HYAL4: variants seen among roughly 807,000 people sequenced by gnomAD.
HYAL4 encodes the protein hyaluronidase 4.
In HYAL4, 37 loss-of-function variants were observed where a neutral mutation model predicts 35.2. That is an observed-to-expected ratio of 1.05 (90% CI 0.81 to 1.38). The LOEUF (loss-of-function observed/expected upper bound fraction) is 1.38. Ranked by LOEUF, HYAL4 falls within the 40% of genes most tolerant of loss-of-function variation. The pLI is 0.00. For synonymous variants in HYAL4, 198 were observed against 203.2 expected (o/e 0.97, Z 0.22); for missense variants, 572 against 572.4 (o/e 1.00, Z 0.01).
At chr7:123,830,342 G>A (rs1007733506) in intron 1 of HYAL4, among the ~76,000 whole-genome samples, 1 of 152,080 alleles carries the variant, frequency 6.6e-6, no homozygotes, top group East Asian at 1.9e-4. Context: ...ATTAGTAACA[G>A]GTACACCTGT....
intron 3 of HYAL4, among the ~76,000 whole-genome samples, chr7:123,869,698 T>C (rs1009096929): frequency 2.0e-5 from 3 of 151,792 alleles, no homozygotes; most frequent in African/African-American, 7.3e-5. Context: ...TTTTTTTTTT[T>C]CTTCAAGATG....
chr7:123,774,710 G>A, the HYAL4 span, among the ~76,000 whole-genome samples: 2 of 151,992 alleles, frequency 1.3e-5, no homozygotes, highest in Non-Finnish European at 2.9e-5. Context: ...TTTCTGATCC[G>A]GCTCACATAG....
At chr7:123,768,952 TCA>T in the HYAL4 span, among the ~76,000 whole-genome samples, 2 of 152,246 alleles carry the variant, frequency 1.3e-5, no homozygotes, top group Admixed American at 6.5e-5. Flanking sequence ...GTTTCTGTTT[TCA>T]GAGACCCATG....
chr7:123,860,594 G>A (rs73718502), intron 2 of HYAL4, among the ~76,000 whole-genome samples: 3,897 of 152,212 alleles, frequency 0.026, 186 homozygotes, highest in African/African-American at 0.089. Flanking sequence ...TAGGTGCATA[G>A]CATTCCACTG....
intron 2 of HYAL4, among the ~76,000 whole-genome samples, chr7:123,860,405 G>A (rs1042692302): frequency 1.3e-5 from 2 of 152,056 alleles, no homozygotes; most frequent in African/African-American, 4.8e-5. Flanking sequence ...ATGTGTGTGT[G>A]TATATATATG....
chr7:123,823,374 T>C, the HYAL4 span, among the ~76,000 whole-genome samples: 1 of 152,180 alleles, frequency 6.6e-6, no homozygotes, highest in Non-Finnish European at 1.5e-5. Flanking sequence ...TGAGGATTTT[T>C]GCATCCAGTT....
the HYAL4 span, among the ~76,000 whole-genome samples, chr7:123,785,353 C>T: frequency 6.6e-6 from 1 of 152,152 alleles, no homozygotes; most frequent in Admixed American, 6.5e-5. The surrounding 1 kb of genome is among the most constrained non-coding windows in gnomAD (Gnocchi z 4.5). Flanking sequence ...TCCTAAAGTG[C>T]TGGGATTACA....
chr7:123,836,161 C>T (rs1261028152), intron 1 of HYAL4, among the ~76,000 whole-genome samples: 1 of 152,114 alleles, frequency 6.6e-6, no homozygotes, highest in Non-Finnish European at 1.5e-5. Flanking sequence ...CTGTCTAGTG[C>T]TGTCAGTGTA....
intron 1 of HYAL4, chr7:123,829,144 CAA>C (rs1178995378): frequency 6.6e-6 from 1 of 152,504 alleles, no homozygotes; most frequent in East Asian, 1.9e-4. Context: ...ATGTTCTAAA[CAA>C]GAGTTTCAGA....
chr7:123,843,461 C>A (rs191764396), upstream of HYAL4, among the ~76,000 whole-genome samples: 1 of 152,076 alleles, frequency 6.6e-6, no homozygotes, highest in East Asian at 1.9e-4. Flanking sequence ...CTTGGTGAAT[C>A]TGACAATTAT....
chr7:123,867,731 T>A (rs1266303616), intron 2 of HYAL4, among the ~76,000 whole-genome samples: 1 of 152,200 alleles, frequency 6.6e-6, no homozygotes, highest in African/African-American at 2.4e-5. Flanking sequence ...TATTTAAATT[T>A]TACATCACCT....
chr7:123,825,603 T>C (rs563804394), upstream of HYAL4, among the ~76,000 whole-genome samples: 12 of 152,200 alleles, frequency 7.9e-5, no homozygotes, highest in South Asian at 2.5e-3. Context: ...ACCTAATAGT[T>C]TTATGATAAG....
intron 2 of HYAL4, among the ~76,000 whole-genome samples, chr7:123,859,370 A>G (rs561645916): frequency 2.4e-4 from 36 of 152,288 alleles, no homozygotes; most frequent in Middle Eastern, 6.8e-3. Context: ...TGTGCATTAC[A>G]TTTTGTGGAG....
the HYAL4 span, among the ~76,000 whole-genome samples, chr7:123,815,698 T>C: frequency 6.6e-6 from 1 of 152,188 alleles, no homozygotes; most frequent in Non-Finnish European, 1.5e-5. Context: ...AACTAGATTG[T>C]CACATAGGAC....
chr7:123,872,842 A>G (rs1806918654), intron 3 of HYAL4, among the ~76,000 whole-genome samples: 1 of 152,184 alleles, frequency 6.6e-6, no homozygotes, highest in Non-Finnish European at 1.5e-5. Context: ...TGAGAAACTG[A>G]TTTGAAAACT....
rs1337678046 is a variant in HYAL4, at chr7:123,869,090, A to G, written c.817A>G (p.Asn273Asp). The change falls in exon 3 of 5, where the codon AAC becomes GAC. Residue 273 changes from asparagine (N) to aspartate (D), a missense_variant. Asn to Asp is a conservative substitution (Grantham distance 23). Transcript: ENST00000223026. ...CTGGAAATCCCTTGGAGACAGTGAAAACATTTTGCGCTTCTCCAAATTTCG... is the reference window on the plus strand; with the variant it reads ...CTGGAAATCCCTTGGAGACAGTGAAGACATTTTGCGCTTCTCCAAATTTCG... ...GVWKSLGDSENILRFSKFRVH... is the reference protein window; with the variant it reads ...GVWKSLGDSEDILRFSKFRVH... The G allele has an allele frequency of 6.2e-7, 1 of 1,614,198 alleles. No individual in the cohort carries two copies. Among genetic ancestry groups the G allele is most frequent in the Admixed American group, 1.7e-5 (1 of 60,028 alleles).
the HYAL4 span, among the ~76,000 whole-genome samples, chr7:123,773,952 T>C: frequency 6.6e-6 from 1 of 151,250 alleles, no homozygotes; most frequent in African/African-American, 2.4e-5. Flanking sequence ...CATGGCAGTC[T>C]GCTAGGCAGT....
At chr7:123,778,155 G>A in the HYAL4 span, among the ~76,000 whole-genome samples, 10 of 132,664 alleles carry the variant, frequency 7.5e-5, no homozygotes, top group East Asian at 4.3e-4. Context: ...CTATCTGTCT[G>A]TCTGTCTATC....
At chr7:123,769,014 CT>C in the HYAL4 span, among the ~76,000 whole-genome samples, 1 of 152,168 alleles carries the variant, frequency 6.6e-6, no homozygotes, top group Non-Finnish European at 1.5e-5. Context: ...AATTGTATTT[CT>C]CATGTCAGCT....
Sources: allele counts gnomAD v4.1 joint callset (sites outside exome capture counted in the v4.1 genomes callset), GRCh38; gene constraint gnomAD v4.1.1; non-coding constraint Gnocchi (gnomAD v3.1); transcripts MANE v1.5; gene names NCBI Gene and HGNC (gene_info 2026-07-23, HGNC 2026-07-21).